TEKT3: variants seen among roughly 807,000 people sequenced by gnomAD.
The protein encoded by TEKT3 is tektin 3, also known as tektin-3.
TEKT3 carries 49 observed loss-of-function variants against 49.8 expected under a neutral mutation model. That is an observed-to-expected ratio of 0.98 (90% CI 0.78 to 1.25). TEKT3 has a LOEUF of 1.25. TEKT3 is among the 50% of genes most tolerant of loss of function. The pLI, the probability that TEKT3 is intolerant of heterozygous loss-of-function variation, is 0.00. For synonymous variants in TEKT3, 225 were observed against 237.2 expected, an observed-to-expected ratio of 0.95 and a Z score of 0.47; for missense variants, 595 against 629.5, an observed-to-expected ratio of 0.95 and a Z score of 0.59.
At chr17:15,314,379 C>G (rs187795035) in intron 5 of TEKT3, 149 bp from the exon 6 acceptor site, 7 of 1,079,634 alleles carry the variant, frequency 6.5e-6, no homozygotes, top group Non-Finnish European at 9.6e-6. Context: ...TCAGTCAAAA[C>G]GAGCACTCTC....
Position 15,319,106 on chromosome 17 carries a change from T to C in TEKT3, c.705A>G (p.Leu235=). 2.5e-6 allele frequency: 4 copies of C among 1,612,382 alleles called. No homozygotes were observed. Among genetic ancestry groups the C allele is most frequent in the Non-Finnish European group, 3.4e-6 (4 of 1,179,386 alleles). ...TILCCQERMK[L]HLDKAIAQLA... ...GTTGGGCAATAGCCTTATCCAAATGTAGCTTCATTCTTTCTTGACAACACA... is the reference window on the plus strand; with the variant it reads ...GTTGGGCAATAGCCTTATCCAAATGCAGCTTCATTCTTTCTTGACAACACA... The change falls in exon 5 of 9, where the codon CTA becomes CTG. Residue 235 remains leucine, a synonymous_variant. Coordinates refer to ENST00000395930, the MANE Select transcript of TEKT3 (RefSeq NM_031898.3).
intron 3 of TEKT3, among the ~76,000 whole-genome samples, chr17:15,329,720 G>T (rs138434215): frequency 7.2e-4 from 110 of 152,070 alleles, no homozygotes; most frequent in Admixed American, 2.3e-3. Flanking sequence ...GTGACAGTGC[G>T]CAGGGTGCCC....
At position 15,315,592 on chromosome 17, in the gene TEKT3, A is replaced by G. The variant is rs76625358; in HGVS notation, c.735-1362T>C. Reference sequence around the variant, plus strand: ...CTATGAAATTGAACACCAGTGAGAAAAAAAAAAAAAAAAGAGCTTGAGTCG... The same window carrying G: ...CTATGAAATTGAACACCAGTGAGAAGAAAAAAAAAAAAAGAGCTTGAGTCG... On this transcript the variant is annotated intron_variant, in intron 5 of 8. Coordinates refer to ENST00000395930, the MANE Select transcript of TEKT3 (RefSeq NM_031898.3). Among the ~76,000 whole-genome samples the G allele has an allele frequency of 7.4e-3, 1,115 of 150,382 alleles. 70 individuals carry two copies. The East Asian group carries it at 0.14, about 19-fold the overall frequency.
Position 15,312,343 on chromosome 17 carries a change from T to C in TEKT3, c.1017A>G (p.Gln339=), listed in dbSNP as rs2286516. 418,122 of 1,613,950 alleles carry C rather than the reference T, an allele frequency of 0.26. 55,434 individuals are homozygous for C. The highest frequency in any genetic ancestry group is 0.32 in the Middle Eastern group (1,968 of 6,062). The change falls in exon 7 of 9, where the codon CAA becomes CAG. Residue 339 remains glutamine (Q), a synonymous_variant. Transcript: ENST00000395930. The stretch of plus-strand genomic sequence containing the variant: ...TGAAAGACAAGTTCACTTTGTTGAA[T>C]TGATTCCACATCTCATTGGCAGTCA... ...LVVTANEMWN[Q]FNKVNLSFTN...
intron 6 of TEKT3, among the ~76,000 whole-genome samples, chr17:15,313,874 C>T (rs1430404716): frequency 1.3e-5 from 2 of 152,120 alleles, no homozygotes; most frequent in Non-Finnish European, 2.9e-5. Flanking sequence ...ATATAAGTAA[C>T]AAATATTACT....
intron 4 of TEKT3, among the ~76,000 whole-genome samples, chr17:15,321,701 C>T (rs1034146819): frequency 6.6e-6 from 1 of 152,226 alleles, no homozygotes; most frequent in Non-Finnish European, 1.5e-5. Flanking sequence ...GGAGAAATTA[C>T]AGGCCCCATG....
At chr17:15,308,130 C>T (rs534227345) in intron 8 of TEKT3, among the ~76,000 whole-genome samples, 4 of 152,100 alleles carry the variant, frequency 2.6e-5, no homozygotes, top group Non-Finnish European at 4.4e-5. Context: ...ACAAAGACAG[C>T]AAATGAGTAG....
Position 15,312,385 on chromosome 17 carries a change from A to C in TEKT3, c.975T>G (p.Ile325Met). 1 of 1,614,208 alleles carries C rather than the reference A, an allele frequency of 6.2e-7. No individual in the cohort carries two copies. The highest frequency in any genetic ancestry group is 8.5e-7 in the Non-Finnish European group (1 of 1,180,034). Residue 325 changes from isoleucine to methionine, a missense_variant, in exon 7 of 9, where the codon ATT becomes ATG. Ile to Met is a conservative substitution (Grantham distance 10). Coordinates refer to ENST00000395930, the MANE Select transcript of TEKT3 (RefSeq NM_031898.3). ...TGGCAGTCACAACCAAGAGGTTTTCAATGTCGTCTCTTAGCTTAGCGGAAG... is the reference window on the plus strand; with the variant it reads ...TGGCAGTCACAACCAAGAGGTTTTCCATGTCGTCTCTTAGCTTAGCGGAAG... ...RAASAKLRDDIENLLVVTANE... is the reference protein window; with the variant it reads ...RAASAKLRDDMENLLVVTANE...
At chr17:15,317,831 T>C (rs1224740296) in intron 5 of TEKT3, among the ~76,000 whole-genome samples, 1 of 151,742 alleles carries the variant, frequency 6.6e-6, no homozygotes, top group African/African-American at 2.4e-5. Context: ...CAACCATAAA[T>C]ATTAAGTACC....
At chr17:15,324,230 T>C (rs1015687051) in intron 4 of TEKT3, among the ~76,000 whole-genome samples, 15 of 152,198 alleles carry the variant, frequency 9.9e-5, no homozygotes, top group Non-Finnish European at 1.5e-5. Context: ...TCATGTAGCA[T>C]AATGTTTTCA....
chr17:15,308,631 G>A (rs369231202), intron 8 of TEKT3, 33 bp downstream of exon 8: 165 of 1,589,666 alleles, frequency 1.0e-4, no homozygotes, highest in Non-Finnish European at 4.3e-5. Flanking sequence ...GTGGCCCTCC[G>A]AGCGAGCCCC....
Position 15,331,533 on chromosome 17 carries a change from G to A in TEKT3, c.53C>T (p.Thr18Ile). The change falls in exon 3 of 9, where the codon ACA (threonine) becomes ATA (isoleucine). Residue 18 changes from threonine to isoleucine, a missense_variant. Transcript: ENST00000395930. ...GATGGCTGGTAGAAAGTTGGTTGGT[G>A]TTGGTCTAGGGTGGGCGTAAGTTGT... Reference protein sequence around the residue: ...LTTTYAHPRPTPTNFLPAIST... With the variant: ...LTTTYAHPRPIPTNFLPAIST... The A allele has an allele frequency of 1.2e-6, 2 of 1,614,152 alleles. No individual in the cohort carries two copies. Among genetic ancestry groups the A allele is most frequent in the Non-Finnish European group, 1.7e-6 (2 of 1,180,036 alleles).
rs760491980 is a variant in TEKT3, at chr17:15,331,419, T to C, written c.167A>G (p.Tyr56Cys). The C allele has an allele frequency of 1.9e-6, 3 of 1,613,970 alleles. No individual in the cohort carries two copies. The highest frequency in any genetic ancestry group is 1.7e-6 in the Non-Finnish European group (2 of 1,180,028). Residue 56 changes from tyrosine (Y) to cysteine (C), a missense_variant, in exon 3 of 9, where the codon TAC (tyrosine) becomes TGC (cysteine). Physicochemically the swap from Tyr to Cys is radical, Grantham distance 194. Transcript: ENST00000395930. ...GCTTGGGGAATTGGAGGCGACTTTG[T>C]AGTATGTGCTGGGTCTCCAAGGAAG... ...LSLPWRPSTY[Y>C]KVASNSPSVA...
At chr17:15,309,574 A>T (rs1910684505) in intron 7 of TEKT3, among the ~76,000 whole-genome samples, 1 of 151,770 alleles carries the variant, frequency 6.6e-6, no homozygotes, top group South Asian at 2.1e-4. Flanking sequence ...CCTCCCCATT[A>T]CTGTCCCTCT....
At chr17:15,331,699 A>C (rs1911760220) in intron 2 of TEKT3, 85 bp from the exon 3 acceptor site, 5 of 1,051,242 alleles carry the variant, frequency 4.8e-6, no homozygotes, top group Non-Finnish European at 6.7e-6. Context: ...CATCTGACTT[A>C]GTATCAGTTG....
chr17:15,319,372 T>A (rs1294998797), intron 4 of TEKT3, among the ~76,000 whole-genome samples: 1 of 152,132 alleles, frequency 6.6e-6, no homozygotes, highest in Non-Finnish European at 1.5e-5. Flanking sequence ...CATGGGGAAA[T>A]TATATTATGG....
In TEKT3 at chr17:15,303,849, A is replaced by G; in HGVS notation, c.*87T>C. On this transcript the variant is annotated 3_prime_UTR_variant, in exon 9 of 9. Transcript: ENST00000395930. ...CATCAGCATAATCCTTTAATAAGTG[A>G]CTATATTAGCATTCGGTTCAAATGC... The G allele has an allele frequency of 8.1e-7, 1 of 1,237,658 alleles. No individual in the cohort carries two copies. Among genetic ancestry groups the G allele is most frequent in the Non-Finnish European group, 1.2e-6 (1 of 850,782 alleles). The allele number at this position is 1,237,658 out of a possible 1,614,324, so 76.7% of individuals were successfully genotyped here.
chr17:15,325,541 A>C (rs1057197541), intron 4 of TEKT3, among the ~76,000 whole-genome samples: 75 of 152,320 alleles, frequency 4.9e-4, no homozygotes, highest in Admixed American at 4.9e-3. Context: ...GCAGATTTGA[A>C]TCAGCATCTC....
At chr17:15,324,969 A>G (rs1473411282) in intron 4 of TEKT3, among the ~76,000 whole-genome samples, 1 of 152,184 alleles carries the variant, frequency 6.6e-6, no homozygotes, top group East Asian at 1.9e-4. Context: ...TTGGAATCCA[A>G]CTTCATTCTT....
Sources: allele counts gnomAD v4.1 joint callset (sites outside exome capture counted in the v4.1 genomes callset), GRCh38; gene constraint gnomAD v4.1.1; transcripts MANE v1.5; gene names NCBI Gene and HGNC (gene_info 2026-07-23, HGNC 2026-07-21).